Variants in LARGE1 observed in about 807,000 individuals in gnomAD.
The protein encoded by LARGE1 is LARGE xylosyl- and glucuronyltransferase 1.
A neutral mutation model predicts 87.6 loss-of-function variants in LARGE1; 43 were observed. The ratio of observed to expected loss-of-function variants is 0.49; its 90% confidence interval spans 0.38 to 0.63. LARGE1 has a LOEUF of 0.63. LARGE1 is among the 30% of genes least tolerant of loss of function. LARGE1 has a pLI of 0.00. For missense variants in LARGE1, 802 were observed against 1,000.2 expected (o/e 0.80, Z 2.67); for synonymous variants, 434 against 394.6 (o/e 1.10, Z -1.18).
chr22:33,423,366 T>C (rs2066762087), intron 7 of LARGE1, among the ~76,000 whole-genome samples: 1 of 152,058 alleles, frequency 6.6e-6, no homozygotes, highest in South Asian at 2.1e-4. Flanking sequence ...GGGCACTATA[T>C]TAATTTTCTT....
intron 2 of LARGE1, among the ~76,000 whole-genome samples, chr22:33,710,907 A>G (rs1274405124): frequency 6.6e-6 from 1 of 152,214 alleles, no homozygotes; most frequent in Non-Finnish European, 1.5e-5. Flanking sequence ...AAGACCAGTT[A>G]AAACTTAGAA....
intron 6 of LARGE1, among the ~76,000 whole-genome samples, chr22:33,550,658 T>C (rs887181930): frequency 3.3e-5 from 5 of 152,028 alleles, no homozygotes; most frequent in Non-Finnish European, 5.9e-5. Context: ...AAACTAACAA[T>C]AGAACTACCA....
the LARGE1 span, among the ~76,000 whole-genome samples, chr22:33,095,248 C>T: frequency 1.3e-5 from 2 of 152,188 alleles, no homozygotes; most frequent in Admixed American, 6.5e-5. Flanking sequence ...AGCAGGGCCA[C>T]GCTCCCTCTG....
At chr22:33,823,207 T>C (rs1199134342) in intron 1 of LARGE1, among the ~76,000 whole-genome samples, 1 of 152,192 alleles carries the variant, frequency 6.6e-6, no homozygotes, top group Non-Finnish European at 1.5e-5. Context: ...GAAAAATTCA[T>C]GAGCTTCAAC....
chr22:33,533,383 T>A (rs2076951652), intron 6 of LARGE1, among the ~76,000 whole-genome samples: 1 of 152,178 alleles, frequency 6.6e-6, no homozygotes, highest in Non-Finnish European at 1.5e-5. Flanking sequence ...TTCGAGCACC[T>A]TCCTTTTTTC....
chr22:33,646,738 G>GT (rs1051947010), intron 3 of LARGE1, among the ~76,000 whole-genome samples: 7 of 151,934 alleles, frequency 4.6e-5, no homozygotes, highest in South Asian at 4.2e-4. Context: ...GTTTTGTTTT[G>GT]TTTTTTTGAG....
intron 4 of LARGE1, among the ~76,000 whole-genome samples, chr22:33,618,343 C>A (rs904659649): frequency 6.6e-6 from 1 of 152,194 alleles, no homozygotes; most frequent in African/African-American, 2.4e-5. Flanking sequence ...ATTGTAGGGG[C>A]TGGCAGAGTC....
chr22:33,790,687 T>C (rs550106735), intron 1 of LARGE1, among the ~76,000 whole-genome samples: 7 of 152,320 alleles, frequency 4.6e-5, no homozygotes, highest in African/African-American at 1.7e-4. Flanking sequence ...GACCAGGCTA[T>C]GCCTCTCCGG....
At chr22:33,069,904 A>C in the LARGE1 span, among the ~76,000 whole-genome samples, 1 of 147,442 alleles carries the variant, frequency 6.8e-6, no homozygotes, top group Non-Finnish European at 1.5e-5. Flanking sequence ...GGCTCACTGC[A>C]ACCTCCACCT....
intron 1 of LARGE1, among the ~76,000 whole-genome samples, chr22:33,864,644 A>C (rs763320777): frequency 6.6e-6 from 1 of 152,192 alleles, no homozygotes; most frequent in Non-Finnish European, 1.5e-5. Context: ...TGCTGGACTG[A>C]TGGATGGATG....
At chr22:33,197,502 G>C (rs1602077822) in intron 11 of LARGE1, among the ~76,000 whole-genome samples, 1 of 151,784 alleles carries the variant, frequency 6.6e-6, no homozygotes, top group Non-Finnish European at 1.5e-5. Flanking sequence ...TAAAAAAATG[G>C]TAAATGAAAT....
At chr22:33,826,360 T>TTTG (rs2062783266) in intron 1 of LARGE1, among the ~76,000 whole-genome samples, 1 of 151,176 alleles carries the variant, frequency 6.6e-6, no homozygotes, top group Non-Finnish European at 1.5e-5. Context: ...TTTTTTTTTT[T>TTTG]AAGATGGAGT....
intron 2 of LARGE1, among the ~76,000 whole-genome samples, chr22:33,749,645 T>C (rs1232406571): frequency 1.3e-5 from 2 of 152,258 alleles, no homozygotes; most frequent in Non-Finnish European, 2.9e-5. Context: ...CTGATGTCCG[T>C]TCCTTCTCTT....
chr22:33,380,694 A>G (rs1210109626), intron 9 of LARGE1, among the ~76,000 whole-genome samples: 1 of 152,258 alleles, frequency 6.6e-6, no homozygotes, highest in Non-Finnish European at 1.5e-5. Flanking sequence ...GGGGACATGG[A>G]TCAGAAGCCA....
At chr22:33,866,469 C>A (rs1310977520) in intron 1 of LARGE1, among the ~76,000 whole-genome samples, 1 of 152,190 alleles carries the variant, frequency 6.6e-6, no homozygotes, top group East Asian at 1.9e-4. Flanking sequence ...GCAGTTCCAT[C>A]CTGCAGAAGG....
At chr22:33,104,779 A>G in the LARGE1 span, among the ~76,000 whole-genome samples, 1 of 152,086 alleles carries the variant, frequency 6.6e-6, no homozygotes, top group African/African-American at 2.4e-5. Flanking sequence ...TTGTCTTTTC[A>G]AGACCCAGCC....
At chr22:33,133,700 T>C in the LARGE1 span, among the ~76,000 whole-genome samples, 2 of 152,174 alleles carry the variant, frequency 1.3e-5, no homozygotes, top group Non-Finnish European at 2.9e-5. Context: ...TACCCACTAA[T>C]GGGATTGCTG....
intron 2 of LARGE1, among the ~76,000 whole-genome samples, chr22:33,655,945 C>G (rs1049322631): frequency 6.6e-6 from 1 of 152,096 alleles, no homozygotes. Flanking sequence ...TAAGAAAGAG[C>G]TGAGCTTAAA....
chr22:33,561,883 T>A (rs775338680), intron 6 of LARGE1, among the ~76,000 whole-genome samples: 5 of 152,188 alleles, frequency 3.3e-5, no homozygotes, highest in Non-Finnish European at 7.4e-5. Context: ...TGAAAAAGGC[T>A]TCTTTGTAAT....
Sources: allele counts gnomAD v4.1 joint callset (sites outside exome capture counted in the v4.1 genomes callset), GRCh38; gene constraint gnomAD v4.1.1; transcripts MANE v1.5; gene names NCBI Gene and HGNC (gene_info 2026-07-23, HGNC 2026-07-21).